Variants in ASCL3 observed in about 807,000 individuals in gnomAD.
ASCL3 encodes the protein achaete-scute family bHLH transcription factor 3, also known as achaete-scute homolog 3.
A neutral mutation model predicts 2.3 loss-of-function variants in ASCL3; 1 was observed. The observed-to-expected ratio is 0.44, with a 90% CI of 0.16 to 2.10. The LOEUF (loss-of-function observed/expected upper bound fraction) is 2.10. Ranked by LOEUF, ASCL3 falls within the 30% of genes most tolerant of loss-of-function variation. The pLI is 0.28. For missense variants in ASCL3, 243 were observed against 229.0 expected (o/e 1.06, Z -0.40); for synonymous variants, 98 against 88.5 (o/e 1.11, Z -0.60).
At chr11:8,938,272 T>C in intron 1 of ASCL3, 99 bp from the exon 2 acceptor site, 1 of 1,121,438 alleles carries the variant, frequency 8.9e-7, no homozygotes, top group Non-Finnish European at 1.3e-6. Context: ...TTTTTCGAGA[T>C]GGAGTCTGGC....
intron 1 of ASCL3, among the ~76,000 whole-genome samples, chr11:8,941,217 A>G (rs2742502): frequency 0.18 from 28,023 of 151,994 alleles, 3,463 homozygotes; most frequent in Middle Eastern, 0.35. Flanking sequence ...AGCAGCTTGA[A>G]GTCTAATTGT....
chr11:8,937,895 G>A lies in ASCL3; in HGVS notation c.267C>T (p.Ser89=), dbSNP rs1666660695. ...PYPNYRGCEY[S]YGPAFTRKRN... ...TTTTCCGGGTGAAGGCTGGCCCGTA[G>A]GAGTACTCGCACCCTCTGTAATTTG... The change falls in exon 2 of 2, where the codon TCC becomes TCT. Residue 89 remains serine (S), a synonymous_variant. Coordinates refer to ENST00000531618, the MANE Select transcript of ASCL3 (RefSeq NM_020646.3). The A allele has an allele frequency of 6.2e-7, 1 of 1,614,132 alleles. No individual in the cohort carries two copies. Among genetic ancestry groups the A allele is most frequent in the South Asian group, 1.1e-5 (1 of 91,084 alleles).
At chr11:8,938,557 A>G (rs768258696) in intron 1 of ASCL3, among the ~76,000 whole-genome samples, 2 of 151,810 alleles carry the variant, frequency 1.3e-5, no homozygotes, top group African/African-American at 2.4e-5. Flanking sequence ...CCGGAGATCA[A>G]TGTTTTAAAG....
At position 8,938,095 on chromosome 11, in the gene ASCL3, A is replaced by C; in HGVS notation, c.67T>G (p.Leu23Val). 1.2e-6 allele frequency: 2 copies of C among 1,613,928 alleles called. No individual in the cohort carries two copies. The highest frequency in any genetic ancestry group is 1.7e-6 in the Non-Finnish European group (2 of 1,179,892). The change falls in exon 2 of 2, where the codon TTG becomes GTG. Residue 23 changes from leucine to valine, a missense_variant. Transcript: ENST00000531618. ...AGATAGAAGGACCTGGTCAGTGGCAAGCGGGCAGAATCAGGGAAGATAGGA... is the reference window on the plus strand; with the variant it reads ...AGATAGAAGGACCTGGTCAGTGGCACGCGGGCAGAATCAGGGAAGATAGGA... ...KLPIFPDSAR[L>V]PLTRSFYLEP...
chr11:8,940,992 C>G (rs1167008419), intron 1 of ASCL3, among the ~76,000 whole-genome samples: 2 of 152,156 alleles, frequency 1.3e-5, no homozygotes, highest in Non-Finnish European at 2.9e-5. Context: ...CCCAACCCCC[C>G]AGGTACAGAG....
chr11:8,940,298 T>C (rs1184499619), intron 1 of ASCL3, among the ~76,000 whole-genome samples: 1 of 152,126 alleles, frequency 6.6e-6, no homozygotes, highest in East Asian at 1.9e-4. Context: ...TGTGTGTGTG[T>C]TTTTGTAGAA....
intron 1 of ASCL3, among the ~76,000 whole-genome samples, chr11:8,941,017 A>G (rs1292146773): frequency 6.6e-6 from 1 of 152,150 alleles, no homozygotes; most frequent in Non-Finnish European, 1.5e-5. Flanking sequence ...GACCGTGCCT[A>G]TAATGCACCC....
At chr11:8,942,252 C>G (rs541386303) in intron 1 of ASCL3, among the ~76,000 whole-genome samples, 1 of 152,132 alleles carries the variant, frequency 6.6e-6, no homozygotes, top group East Asian at 1.9e-4. Flanking sequence ...GTTCACCAAT[C>G]AATGTACTAG....
chr11:8,938,715 T>A (rs956691231), intron 1 of ASCL3, among the ~76,000 whole-genome samples: 1 of 152,036 alleles, frequency 6.6e-6, no homozygotes, highest in Non-Finnish European at 1.5e-5. Flanking sequence ...TTATTGTCCT[T>A]CCGTTCTTTT....
chr11:8,941,627 T>G lies in ASCL3; in HGVS notation c.-13+1359A>C, dbSNP rs557537762. On this transcript the variant is annotated intron_variant, in intron 1 of 1. Transcript: ENST00000531618. ...AAAAGAAGTCAATGCCAGGAAAAGC[T>G]CTTCTTAAAAGCGACGGGGTGGTGG... Among the ~76,000 whole-genome samples the G allele has an allele frequency of 4.1e-4, 63 of 152,154 alleles. 2 individuals carry two copies. Among genetic ancestry groups the G allele is most frequent in the Non-Finnish European group, 6.9e-4 (47 of 67,992 alleles).
At chr11:8,941,037 C>A (rs537241026) in intron 1 of ASCL3, among the ~76,000 whole-genome samples, 1 of 152,258 alleles carries the variant, frequency 6.6e-6, no homozygotes, top group Admixed American at 6.5e-5. Flanking sequence ...CAGCATTTGC[C>A]TCTTTCCTTT....
chr11:8,940,875 T>C lies in ASCL3; in HGVS notation c.-13+2111A>G, dbSNP rs79383491. ...GGTATTATAAGTAATACAGAGATGATTGAAAGTGTTTGAGAGGGTGTGTGT... is the reference window on the plus strand; with the variant it reads ...GGTATTATAAGTAATACAGAGATGACTGAAAGTGTTTGAGAGGGTGTGTGT... On this transcript the variant is annotated intron_variant, in intron 1 of 1. Coordinates refer to ENST00000531618, the MANE Select transcript of ASCL3 (RefSeq NM_020646.3). Among the ~76,000 whole-genome samples, 3 of 152,286 alleles carry C rather than the reference T, an allele frequency of 2.0e-5. No homozygotes were observed. The South Asian group carries it at 6.2e-4, about 32-fold the overall frequency.
Position 8,937,636 on chromosome 11 carries a change from G to T in ASCL3, c.526C>A (p.Pro176Thr). ...MIATTSHHAD[P>T]MFRIV ...GCAACTCAAACAATTCTGAACATAG[G>T]GTCAGCATGGTGGCTGGTGGTTGCT... Residue 176 changes from proline to threonine, a missense_variant, in exon 2 of 2, where the codon CCT (proline) becomes ACT (threonine). Transcript: ENST00000531618. 1 of 1,613,554 alleles carries T rather than the reference G, an allele frequency of 6.2e-7. No homozygotes were observed. Among genetic ancestry groups the T allele is most frequent in the Non-Finnish European group, 8.5e-7 (1 of 1,179,712 alleles).
Position 8,938,077 on chromosome 11 carries a change from A to G in ASCL3, c.85T>C (p.Phe29Leu), listed in dbSNP as rs761737334. ...DSARLPLTRS[F>L]YLEPMVTFHV... is the part of the protein sequence containing the mutation. ...AAAGTGACCATGGGCTCCAGATAGA[A>G]GGACCTGGTCAGTGGCAAGCGGGCA... Residue 29 changes from phenylalanine to leucine, a missense_variant, in exon 2 of 2, where the codon TTC (phenylalanine) becomes CTC (leucine). By Grantham distance (22) the Phe-to-Leu change is conservative. Transcript: ENST00000531618. 5 of 1,613,956 alleles carry G rather than the reference A, an allele frequency of 3.1e-6. No individual in the cohort carries two copies. The highest frequency in any genetic ancestry group is 3.4e-6 in the Non-Finnish European group (4 of 1,179,972).
Position 8,938,106 on chromosome 11 carries a change from T to C in ASCL3, c.56A>G (p.Asp19Gly). 1.2e-6 allele frequency: 2 copies of C among 1,612,944 alleles called. No individual in the cohort carries two copies. The highest frequency in any genetic ancestry group is 1.7e-6 in the Non-Finnish European group (2 of 1,179,272). The part of the protein sequence containing the change: ...SLPDKLPIFP[D>G]SARLPLTRSF... ...CCTGGTCAGTGGCAAGCGGGCAGAATCAGGGAAGATAGGAAGTTTGTCAGG... is the reference window on the plus strand; with the variant it reads ...CCTGGTCAGTGGCAAGCGGGCAGAACCAGGGAAGATAGGAAGTTTGTCAGG... Residue 19 changes from aspartate (D) to glycine (G), a missense_variant, in exon 2 of 2, where the codon GAT (aspartate) becomes GGT (glycine). Transcript: ENST00000531618.
chr11:8,941,473 C>T (rs1853694901), intron 1 of ASCL3, among the ~76,000 whole-genome samples: 2 of 151,926 alleles, frequency 1.3e-5, no homozygotes, highest in Non-Finnish European at 2.9e-5. Context: ...AGGAGCAGCC[C>T]CTAAGACCAG....
At chr11:8,942,644 C>T (rs1451257015) in intron 1 of ASCL3, among the ~76,000 whole-genome samples, 6 of 152,110 alleles carry the variant, frequency 3.9e-5, no homozygotes. Context: ...TAAAAAGCTA[C>T]AACTGCCGAT....
At chr11:8,940,295 G>T (rs975191772) in intron 1 of ASCL3, among the ~76,000 whole-genome samples, 1 of 152,094 alleles carries the variant, frequency 6.6e-6, no homozygotes, top group Admixed American at 6.5e-5. Context: ...TTGTGTGTGT[G>T]TGTTTTTGTA....
chr11:8,938,413 G>A (rs1476099902), intron 1 of ASCL3, among the ~76,000 whole-genome samples: 2 of 151,902 alleles, frequency 1.3e-5, no homozygotes, highest in African/African-American at 4.8e-5. Flanking sequence ...ACTGCACCCA[G>A]CTAATTTTTG....
Sources: allele counts gnomAD v4.1 joint callset (sites outside exome capture counted in the v4.1 genomes callset), GRCh38; gene constraint gnomAD v4.1.1; transcripts MANE v1.5; gene names NCBI Gene and HGNC (gene_info 2026-07-23, HGNC 2026-07-21).